NDST4: variants seen among roughly 807,000 people sequenced by gnomAD.
The protein encoded by NDST4 is N-deacetylase and N-sulfotransferase 4, also known as N-heparan sulfate sulfotransferase 4.
In NDST4, 63 loss-of-function variants were observed where a neutral mutation model predicts 100.8. That is an observed-to-expected ratio of 0.62 (90% CI 0.51 to 0.77). NDST4 has a LOEUF of 0.77. NDST4 is among the 30% of genes least tolerant of loss of function. The pLI is 0.00. For synonymous variants in NDST4, 377 were observed against 361.8 expected, an observed-to-expected ratio of 1.04 and a Z score of -0.48; for missense variants, 943 against 1,018.4, an observed-to-expected ratio of 0.93 and a Z score of 1.01.
chr4:115,005,023 A>G (rs1369700826), intron 2 of NDST4, among the ~76,000 whole-genome samples: 1 of 152,196 alleles, frequency 6.6e-6, no homozygotes, highest in Non-Finnish European at 1.5e-5. Flanking sequence ...GAATTTAATT[A>G]TTAAAATTGA....
chr4:114,869,042 C>G (rs1259289303), intron 7 of NDST4, among the ~76,000 whole-genome samples: 2 of 150,438 alleles, frequency 1.3e-5, no homozygotes, highest in Non-Finnish European at 3.0e-5. Context: ...TCCATTTATA[C>G]CCCTAATCCA....
rs751645349 is a variant in NDST4 at position 114,970,467 on chromosome 4, A to G, written c.1184T>C (p.Leu395Ser). ...CTTGTTGAGAATCATCTGCTCTACT[A>G]AAGATGACTCGTTGTGGAAGAGGTG... ...QPHLFHNESS[L>S]VEQMILNKEF... The change falls in exon 4 of 14, where the codon TTA becomes TCA. Residue 395 changes from leucine to serine, a missense_variant. Coordinates refer to ENST00000264363, the MANE Select transcript of NDST4 (RefSeq NM_022569.3). The G allele has an allele frequency of 1.3e-5, 21 of 1,614,028 alleles. No individual in the cohort carries two copies. The highest frequency in any genetic ancestry group is 1.3e-5 in the African/African-American group (1 of 75,062).
Position 115,109,585 on chromosome 4 carries a change from A to T in NDST4, c.-247+3859T>A, listed in dbSNP as rs527251256. Among the ~76,000 whole-genome samples, 4 of 152,074 alleles carry T rather than the reference A, an allele frequency of 2.6e-5. No individual in the cohort carries two copies. In the South Asian group the frequency reaches 8.3e-4, roughly 31 times the overall value. ...GTCATCACTTTTGTTTCTCAACAAA[A>T]GTCTCGCTTCTGTTTTCTGAGTACA... On this transcript the variant is annotated intron_variant, in intron 1 of 13. Coordinates refer to ENST00000264363, the MANE Select transcript of NDST4 (RefSeq NM_022569.3).
At chr4:114,934,885 A>G (rs549686973) in intron 6 of NDST4, among the ~76,000 whole-genome samples, 6 of 152,136 alleles carry the variant, frequency 3.9e-5, no homozygotes, top group Non-Finnish European at 7.4e-5. Context: ...TTTGTCAATT[A>G]TACCTTCATA....
intron 1 of NDST4, among the ~76,000 whole-genome samples, chr4:115,095,270 G>GATCCT (rs1206824991): frequency 2.0e-5 from 3 of 152,104 alleles, no homozygotes; most frequent in Non-Finnish European, 4.4e-5. Context: ...TACTGTTTGT[G>GATCCT]ATGCTATTCC....
At chr4:115,090,252 T>C (rs934054917) in intron 1 of NDST4, among the ~76,000 whole-genome samples, 5 of 152,062 alleles carry the variant, frequency 3.3e-5, no homozygotes, top group Middle Eastern at 6.9e-3. Context: ...ATAAAGTACC[T>C]CTACCAATAG....
intron 4 of NDST4, among the ~76,000 whole-genome samples, chr4:114,941,285 A>T (rs72681428): frequency 0.085 from 12,863 of 152,070 alleles, 958 homozygotes; most frequent in East Asian, 0.4. Flanking sequence ...AGTTGTCTAG[A>T]TTCATCATCT....
intron 6 of NDST4, among the ~76,000 whole-genome samples, chr4:114,899,027 G>C (rs373821601): frequency 1.3e-5 from 2 of 151,878 alleles, no homozygotes; most frequent in Admixed American, 6.6e-5. Flanking sequence ...TTTCTTTGTC[G>C]TATTGGCTGA....
rs1164966577 is a variant in NDST4, at chr4:114,848,281, G to T, written c.1874C>A (p.Pro625His). The T allele has an allele frequency of 1.2e-6, 2 of 1,609,554 alleles. No homozygotes were observed. Among genetic ancestry groups the T allele is most frequent in the Non-Finnish European group, 1.7e-6 (2 of 1,177,110 alleles). ...LMHPSIISNL[P>H]SPKTFEEVQF... is the part of the protein sequence containing the mutation. ...AACTTCCTCAAATGTCTTTGGACTA[G>T]GGAGATTGCTGATGATTGAAGGATG... Residue 625 changes from proline (P) to histidine (H), a missense_variant, in exon 9 of 14, where the codon CCT becomes CAT. Pro to His is a moderately conservative substitution (Grantham distance 77). Around this residue, in one of 2 missense-constraint regions of NDST4, gnomAD observed 526 missense variants for 634.1 expected, o/e 0.83. Coordinates refer to ENST00000264363, the MANE Select transcript of NDST4 (RefSeq NM_022569.3).
chr4:115,092,425 C>G (rs1180447624), intron 1 of NDST4, among the ~76,000 whole-genome samples: 1 of 151,904 alleles, frequency 6.6e-6, no homozygotes, highest in Non-Finnish European at 1.5e-5. Flanking sequence ...ACGTAAGAAG[C>G]ATGTTCAAGT....
intron 1 of NDST4, among the ~76,000 whole-genome samples, chr4:115,109,429 A>C (rs1729897851): frequency 1.3e-5 from 2 of 152,010 alleles, no homozygotes; most frequent in South Asian, 4.1e-4. Flanking sequence ...GGCCGCACAT[A>C]AAACTCATGT....
At chr4:114,998,728 T>C (rs2126254859) in intron 2 of NDST4, among the ~76,000 whole-genome samples, 1 of 151,914 alleles carries the variant, frequency 6.6e-6, no homozygotes, top group African/African-American at 2.4e-5. Flanking sequence ...ATCAATAGAG[T>C]ATTTGGTGGT....
Position 115,076,565 on chromosome 4 carries a change from T to G in NDST4, c.472A>C (p.Ser158Arg), listed in dbSNP as rs1729188308. 2 of 1,613,880 alleles carry G rather than the reference T, an allele frequency of 1.2e-6. No individual in the cohort carries two copies. Among genetic ancestry groups the G allele is most frequent in the South Asian group, 2.2e-5 (2 of 91,086 alleles). ...TTATGAAAACCGATTATACTAACACTGTATTCCACACAGTATTTTTCTAAA... is the reference window on the plus strand; with the variant it reads ...TTATGAAAACCGATTATACTAACACGGTATTCCACACAGTATTTTTCTAAA... ...ELLEKYCVEY[S>R]VSIIGFHKAN... The change falls in exon 2 of 14, where the codon AGT (serine) becomes CGT (arginine). Residue 158 changes from serine to arginine, a missense_variant. Ser to Arg is a moderately radical substitution (Grantham distance 110). Transcript: ENST00000264363.
At chr4:115,087,119 G>T (rs1578511928) in intron 1 of NDST4, among the ~76,000 whole-genome samples, 1 of 151,970 alleles carries the variant, frequency 6.6e-6, no homozygotes, top group Non-Finnish European at 1.5e-5. Flanking sequence ...CTGCCCCAGG[G>T]TTTCTGACAT....
chr4:115,048,381 C>A (rs1728509624), intron 2 of NDST4, among the ~76,000 whole-genome samples: 1 of 152,044 alleles, frequency 6.6e-6, no homozygotes, highest in African/African-American at 2.4e-5. Context: ...CAAATTCATT[C>A]ATGAAAATAT....
intron 4 of NDST4, among the ~76,000 whole-genome samples, chr4:114,958,736 A>G (rs946001812): frequency 6.6e-6 from 1 of 152,124 alleles, no homozygotes; most frequent in African/African-American, 2.4e-5. Flanking sequence ...GGTGATTAGC[A>G]TTTGGTTCCT....
chr4:115,002,003 T>A (rs1022383527), intron 2 of NDST4, among the ~76,000 whole-genome samples: 2 of 152,166 alleles, frequency 1.3e-5, no homozygotes, highest in African/African-American at 4.8e-5. Context: ...TCCTCCTCTA[T>A]CAAATAATAA....
At chr4:115,059,004 C>T (rs533326127) in intron 2 of NDST4, among the ~76,000 whole-genome samples, 16 of 151,658 alleles carry the variant, frequency 1.1e-4, no homozygotes, top group Admixed American at 4.6e-4. Flanking sequence ...CACACACACA[C>T]GCTCAAAATT....
At chr4:114,941,189 G>T (rs1192630677) in intron 4 of NDST4, among the ~76,000 whole-genome samples, 1 of 152,150 alleles carries the variant, frequency 6.6e-6, no homozygotes, top group African/African-American at 2.4e-5. Context: ...ACTGGATGCT[G>T]CTCTAAAATG....
Sources: allele counts gnomAD v4.1 joint callset (sites outside exome capture counted in the v4.1 genomes callset), GRCh38; gene constraint gnomAD v4.1.1; regional missense constraint gnomAD v4.1.1; transcripts MANE v1.5; gene names NCBI Gene and HGNC (gene_info 2026-07-23, HGNC 2026-07-21).